The following RBFOX3 variants were observed in gnomAD, a reference collection of about 807,000 sequenced individuals.
RBFOX3 encodes RNA binding protein fox-1 homolog 3.
A neutral mutation model predicts 48.7 loss-of-function variants in RBFOX3; 17 were observed. That is an observed-to-expected ratio of 0.35 (90% CI 0.24 to 0.52). The LOEUF is 0.52. Ranked by LOEUF, RBFOX3 falls within the 20% of genes least tolerant of loss-of-function variation. RBFOX3 has a pLI of 0.94. For missense variants in RBFOX3, 382 were observed against 497.5 expected (o/e 0.77, Z 2.21); for synonymous variants, 212 against 209.5 (o/e 1.01, Z -0.10).
chr17:79,488,924 C>G (rs1555771139), intron 1 of RBFOX3, among the ~76,000 whole-genome samples: 1 of 152,210 alleles, frequency 6.6e-6, no homozygotes, highest in Non-Finnish European at 1.5e-5. Flanking sequence ...AGGGACATAG[C>G]ATAGGGGACT....
intron 3 of RBFOX3, among the ~76,000 whole-genome samples, chr17:79,248,500 G>A (rs2148197192): frequency 6.6e-6 from 1 of 152,308 alleles, no homozygotes; most frequent in South Asian, 2.1e-4. Context: ...CCCGGGAGGA[G>A]GCTCAAACCT....
intron 2 of RBFOX3, among the ~76,000 whole-genome samples, chr17:79,429,890 T>G (rs536298637): frequency 3.0e-4 from 46 of 152,274 alleles, no homozygotes; most frequent in Non-Finnish European, 5.1e-4. Flanking sequence ...TCTGCTCAAC[T>G]TGGGGCCTGT....
Position 79,243,228 on chromosome 17 carries a change from T to C in RBFOX3, c.-73-7423A>G, listed in dbSNP as rs916959604. 6.6e-6 allele frequency among the ~76,000 whole-genome samples: 1 copy of C among 152,050 alleles called. No individual in the cohort carries two copies. The highest frequency in any genetic ancestry group is 6.5e-5 in the Admixed American group (1 of 15,276). On this transcript the variant is annotated intron_variant, in intron 3 of 14. Transcript: ENST00000693108. This position sits in a 1 kb window ranked among gnomAD's most constrained non-coding sequence, Gnocchi z 7.9. The stretch of plus-strand genomic sequence containing the variant: ...CGAGACCCACCTGACCACAACCTTG[T>C]GCTTAGAGCTGATTATTCTGCTCAG...
intron 2 of RBFOX3, among the ~76,000 whole-genome samples, chr17:79,401,572 G>C (rs1021529728): frequency 3.3e-5 from 5 of 152,328 alleles, no homozygotes; most frequent in Admixed American, 6.5e-5. Flanking sequence ...GAATGGGAGA[G>C]GGGAACCTAT....
At chr17:79,269,745 G>A (rs1355137602) in intron 3 of RBFOX3, among the ~76,000 whole-genome samples, 1 of 150,390 alleles carries the variant, frequency 6.6e-6, no homozygotes, top group Non-Finnish European at 1.5e-5. Context: ...CCTCTCTCCA[G>A]TGTCAACACC....
intron 1 of RBFOX3, among the ~76,000 whole-genome samples, chr17:79,578,644 C>G (rs1002538100): frequency 6.6e-6 from 1 of 152,256 alleles, no homozygotes; most frequent in Non-Finnish European, 1.5e-5. Context: ...CTGGATGCTG[C>G]GTGAATTCAC....
chr17:79,552,633 C>G (rs1255845608), intron 1 of RBFOX3, among the ~76,000 whole-genome samples: 1 of 152,042 alleles, frequency 6.6e-6, no homozygotes, highest in African/African-American at 2.4e-5. Flanking sequence ...ATAATGATTC[C>G]ATTGTAATTC....
At chr17:79,180,277 T>C (rs2051594756) in intron 4 of RBFOX3, among the ~76,000 whole-genome samples, 2 of 152,322 alleles carry the variant, frequency 1.3e-5, no homozygotes, top group South Asian at 4.1e-4. Context: ...CATGCTTCAG[T>C]AGAACGGAAT....
At chr17:79,305,671 G>C (rs1272746236) in intron 3 of RBFOX3, among the ~76,000 whole-genome samples, 1 of 152,240 alleles carries the variant, frequency 6.6e-6, no homozygotes, top group Non-Finnish European at 1.5e-5. Flanking sequence ...TGTGGGCTGG[G>C]GTGGGGGCTG....
the RBFOX3 span, among the ~76,000 whole-genome samples, chr17:79,659,520 G>A: frequency 4.0e-5 from 6 of 151,504 alleles, no homozygotes; most frequent in Admixed American, 1.3e-4. Flanking sequence ...GGTGGGGAGC[G>A]AGAGTGGGAA....
intron 2 of RBFOX3, among the ~76,000 whole-genome samples, chr17:79,446,099 A>C (rs534146817): frequency 1.3e-5 from 2 of 152,160 alleles, no homozygotes; most frequent in Non-Finnish European, 2.9e-5. Context: ...CCCTGCCCTG[A>C]AGGGTAGGGG....
rs553260661 is a variant in RBFOX3 at position 79,116,196 on chromosome 17, A to G, written c.-33-448T>C. 5.9e-5 allele frequency among the ~76,000 whole-genome samples: 9 copies of G among 152,310 alleles called. No homozygotes were observed. The East Asian group carries it at 1.5e-3, about 26-fold the overall frequency. ...ATACTGACATGGATTCACACAACACACAGAATGTTCCAGCAGCATGAGGAC... is the reference window on the plus strand; with the variant it reads ...ATACTGACATGGATTCACACAACACGCAGAATGTTCCAGCAGCATGAGGAC... On this transcript the variant is annotated intron_variant, in intron 4 of 14. Transcript: ENST00000693108.
intron 4 of RBFOX3, among the ~76,000 whole-genome samples, chr17:79,129,994 G>A (rs1568187063): frequency 6.6e-6 from 1 of 152,128 alleles, no homozygotes; most frequent in Admixed American, 6.5e-5. Flanking sequence ...GAGGGCAGGG[G>A]CTGCCCTGCG....
At position 79,432,518 on chromosome 17, in the gene RBFOX3, T is replaced by G. The variant is rs1849751516; in HGVS notation, c.-175+49936A>C. Among the ~76,000 whole-genome samples the G allele has an allele frequency of 1.3e-5, 2 of 152,340 alleles. 1 individual carries two copies. The highest frequency in any genetic ancestry group is 4.1e-4 in the South Asian group (2 of 4,824). On this transcript the variant is annotated intron_variant, in intron 2 of 14. Coordinates refer to ENST00000693108, the MANE Select transcript of RBFOX3 (RefSeq NM_001350451.2). ...CACTTCCCAAGGGTCGCGAGCAGCC[T>G]TTTATTTGTGTGCAACCTGTTTCGT...
At chr17:79,166,347 G>A (rs1345350439) in intron 4 of RBFOX3, among the ~76,000 whole-genome samples, 2 of 152,218 alleles carry the variant, frequency 1.3e-5, no homozygotes, top group Non-Finnish European at 2.9e-5. Flanking sequence ...GCCAGGAGCT[G>A]TAGCCGCCCC....
At chr17:79,238,417 T>G (rs1276938896) in intron 3 of RBFOX3, among the ~76,000 whole-genome samples, 1 of 152,246 alleles carries the variant, frequency 6.6e-6, no homozygotes, top group Non-Finnish European at 1.5e-5. Context: ...CTCGGGCCCA[T>G]GGGCTGAGAA....
intron 2 of RBFOX3, among the ~76,000 whole-genome samples, chr17:79,332,922 A>T (rs1458602267): frequency 3.3e-5 from 2 of 60,844 alleles, no homozygotes; most frequent in East Asian, 0.031. Flanking sequence ...ACAGAGGCAG[A>T]AAGACAGATA....
chr17:79,617,208 C>A, the RBFOX3 span, among the ~76,000 whole-genome samples: 1 of 152,142 alleles, frequency 6.6e-6, no homozygotes, highest in South Asian at 2.1e-4. Context: ...ATTCTTCTTC[C>A]GTTTTCTCCC....
In RBFOX3 at chr17:79,243,403, G is replaced by A. The variant is rs565028056; in HGVS notation, c.-73-7598C>T. 1.2e-4 allele frequency among the ~76,000 whole-genome samples: 18 copies of A among 152,230 alleles called. No individual in the cohort carries two copies. The highest frequency in any genetic ancestry group is 7.8e-4 in the East Asian group (4 of 5,138). On this transcript the variant is annotated intron_variant, in intron 3 of 14. Coordinates refer to ENST00000693108, the MANE Select transcript of RBFOX3 (RefSeq NM_001350451.2). This position sits in a 1 kb window ranked among gnomAD's most constrained non-coding sequence, Gnocchi z 7.9. ...ACCCCAGCACTTGTGCAGCCTCAAC[G>A]CCCAACATCAGCCCAAACCTTCTGT...
Sources: gnomAD v4.1 joint callset for allele counts (sites outside exome capture counted in the v4.1 genomes callset) on GRCh38, gnomAD v4.1.1 for gene constraint, Gnocchi (gnomAD v3.1) non-coding constraint, MANE v1.5 for transcripts, NCBI Gene and HGNC (gene_info 2026-07-23, HGNC 2026-07-21) for gene names.